Variants in MBOAT2 observed in about 807,000 individuals in gnomAD.
MBOAT2 encodes the protein membrane bound glycerophospholipid O-acyltransferase 2.
A neutral mutation model predicts 63.4 loss-of-function variants in MBOAT2; 28 were observed. The ratio of observed to expected loss-of-function variants is 0.44; its 90% CI spans 0.33 to 0.61. The LOEUF (loss-of-function observed/expected upper bound fraction) is 0.61. MBOAT2 is among the 20% of genes least tolerant of loss of function. MBOAT2 has a pLI of 0.03. For synonymous variants in MBOAT2, 211 were observed against 215.6 expected, an observed-to-expected ratio of 0.98 and a Z score of 0.19; for missense variants, 470 against 605.8, an observed-to-expected ratio of 0.78 and a Z score of 2.35.
chr2:8,972,081 T>C (rs373206092), intron 1 of MBOAT2, among the ~76,000 whole-genome samples: 5 of 152,010 alleles, frequency 3.3e-5, no homozygotes, highest in Non-Finnish European at 4.4e-5. Flanking sequence ...GCCAAAAGAA[T>C]AAAGCTGGAG....
intron 8 of MBOAT2, among the ~76,000 whole-genome samples, chr2:8,872,851 A>G (rs1662427876): frequency 1.3e-5 from 2 of 152,246 alleles, no homozygotes; most frequent in South Asian, 4.1e-4. Flanking sequence ...CACTGAATCT[A>G]GAATATAATA....
At chr2:8,905,013 C>T (rs565630230) in intron 4 of MBOAT2, among the ~76,000 whole-genome samples, 69 of 152,222 alleles carry the variant, frequency 4.5e-4, no homozygotes, top group Middle Eastern at 3.4e-3. Flanking sequence ...CACACACACG[C>T]GCGCAGTTTC....
At chr2:8,986,810 C>T (rs1489618159) in intron 1 of MBOAT2, among the ~76,000 whole-genome samples, 1 of 152,096 alleles carries the variant, frequency 6.6e-6, no homozygotes, top group Non-Finnish European at 1.5e-5. Context: ...CTCTCTCTTT[C>T]GCCAAGAACG....
chr2:8,973,958 A>AAATTG (rs1265539249), intron 1 of MBOAT2, among the ~76,000 whole-genome samples: 15 of 152,198 alleles, frequency 9.9e-5, no homozygotes, highest in Non-Finnish European at 1.6e-4. Context: ...CAGCACAGTG[A>AAATTG]TAATATCAAA....
chr2:8,960,949 G>A lies in MBOAT2; in HGVS notation c.76-2307C>T, dbSNP rs191100927. ...GGACATGAAAGCGCAAACGCACCGCGTGGCCAGGGATCATGGGAGATGAGG... is the reference window on the plus strand; with the variant it reads ...GGACATGAAAGCGCAAACGCACCGCATGGCCAGGGATCATGGGAGATGAGG... On this transcript the variant is annotated intron_variant, in intron 1 of 12. Transcript: ENST00000305997. 2.4e-3 allele frequency among the ~76,000 whole-genome samples: 370 copies of A among 152,348 alleles called. 2 individuals carry two copies. Among genetic ancestry groups the A allele is most frequent in the Non-Finnish European group, 3.6e-3 (245 of 68,028 alleles).
intron 1 of MBOAT2, among the ~76,000 whole-genome samples, chr2:8,992,571 C>CT (rs1172653808): frequency 6.6e-6 from 1 of 151,394 alleles, no homozygotes; most frequent in Non-Finnish European, 1.5e-5. Flanking sequence ...AGGGAGCTAT[C>CT]TATTTTATTT....
chr2:8,860,382 C>T (rs1167424865), intron 12 of MBOAT2, among the ~76,000 whole-genome samples: 3 of 151,998 alleles, frequency 2.0e-5, no homozygotes, highest in African/African-American at 7.3e-5. Flanking sequence ...GCAGTGGTTA[C>T]CTGGCTGATA....
In MBOAT2 at chr2:8,963,366, C is replaced by T. The variant is rs191153477; in HGVS notation, c.76-4724G>A. On this transcript the variant is annotated intron_variant, in intron 1 of 12. Transcript: ENST00000305997. ...TTGCCCAGGCTAGAGTGCAGTGGCA[C>T]GATCTCAGCTCACTGTAACCTCTGC... 1.6e-3 allele frequency among the ~76,000 whole-genome samples: 243 copies of T among 152,186 alleles called. 1 individual carries two copies. Among genetic ancestry groups the T allele is most frequent in the Middle Eastern group, 6.8e-3 (2 of 294 alleles).
At chr2:8,967,165 T>C (rs1670052887) in intron 1 of MBOAT2, among the ~76,000 whole-genome samples, 1 of 152,048 alleles carries the variant, frequency 6.6e-6, no homozygotes, top group Admixed American at 6.6e-5. Flanking sequence ...GACATGAAAA[T>C]GACAATCACT....
chr2:8,887,542 G>A (rs914352410), intron 5 of MBOAT2, among the ~76,000 whole-genome samples: 2 of 152,162 alleles, frequency 1.3e-5, no homozygotes, highest in African/African-American at 4.8e-5. Context: ...CAAATCTCAC[G>A]ACTCAGAGTC....
intron 2 of MBOAT2, among the ~76,000 whole-genome samples, chr2:8,955,528 T>G (rs930152759): frequency 6.6e-6 from 1 of 152,232 alleles, no homozygotes. Context: ...TTTTCCTTCT[T>G]GAATTAAAGC....
chr2:8,908,061 G>A (rs1471730702), intron 4 of MBOAT2: 2 of 152,094 alleles, frequency 1.3e-5, no homozygotes, highest in African/African-American at 4.8e-5. Context: ...TGTATATAAA[G>A]GTTTATCTTC....
At chr2:8,966,854 T>A (rs987744670) in intron 1 of MBOAT2, among the ~76,000 whole-genome samples, 1 of 152,204 alleles carries the variant, frequency 6.6e-6, no homozygotes, top group Admixed American at 6.5e-5. Context: ...CCAATACCCA[T>A]GTGTCTAACA....
At chr2:8,970,226 C>T (rs1017928418) in intron 1 of MBOAT2, among the ~76,000 whole-genome samples, 16 of 152,174 alleles carry the variant, frequency 1.1e-4, no homozygotes, top group Non-Finnish European at 2.4e-4. Flanking sequence ...TCACTCAAAA[C>T]CACTAAACTA....
In MBOAT2 at chr2:8,882,491, T is replaced by C. The variant is rs761004568; in HGVS notation, c.506+20A>G. ...CAGGGGCGCAGGAAGCATGGCAGAA[T>C]AGGATGCAAAGGCACGTACCTTACA... On this transcript the variant is annotated intron_variant, in intron 6 of 12. Coordinates refer to ENST00000305997, the MANE Select transcript of MBOAT2 (RefSeq NM_138799.4). 1.9e-6 allele frequency: 3 copies of C among 1,613,770 alleles called. No homozygotes were observed. The highest frequency in any genetic ancestry group is 1.1e-5 in the South Asian group (1 of 91,076).
At chr2:8,946,195 C>T (rs1001056638) in intron 2 of MBOAT2, among the ~76,000 whole-genome samples, 2 of 152,118 alleles carry the variant, frequency 1.3e-5, no homozygotes, top group African/African-American at 4.8e-5. Context: ...AGTAATCATT[C>T]GTTCTATGTC....
chr2:8,865,901 G>A (rs1441325223), intron 9 of MBOAT2, among the ~76,000 whole-genome samples: 1 of 152,232 alleles, frequency 6.6e-6, no homozygotes, highest in Non-Finnish European at 1.5e-5. Flanking sequence ...GCCGGGCGTG[G>A]TGGCAGGCAC....
chr2:8,949,612 CTTTATT>C (rs1292381205), intron 2 of MBOAT2, among the ~76,000 whole-genome samples: 1 of 152,048 alleles, frequency 6.6e-6, no homozygotes, highest in Non-Finnish European at 1.5e-5. Context: ...TTTCCCCACT[CTTTATT>C]TTTGTCAATT....
intron 2 of MBOAT2, among the ~76,000 whole-genome samples, chr2:8,952,366 ATG>A (rs1472228942): frequency 1.3e-5 from 2 of 152,230 alleles, no homozygotes; most frequent in Non-Finnish European, 2.9e-5. Context: ...AGTACATTCC[ATG>A]TGCAGATGAG....
Sources: allele counts gnomAD v4.1 joint callset (sites outside exome capture counted in the v4.1 genomes callset), GRCh38; gene constraint gnomAD v4.1.1; transcripts MANE v1.5; gene names NCBI Gene and HGNC (gene_info 2026-07-23, HGNC 2026-07-21).